FBXO34: variants seen among roughly 807,000 people sequenced by gnomAD.
The protein encoded by FBXO34 is F-box only protein 34.
FBXO34 carries 12 observed loss-of-function variants against 24.5 expected under a neutral mutation model. The ratio of observed to expected loss-of-function variants is 0.49; its 90% CI spans 0.31 to 0.79. FBXO34 has a LOEUF of 0.79. Among genes scored for constraint, FBXO34 ranks in the 30% least tolerant of loss-of-function variants. The probability of loss-of-function intolerance (pLI) is 0.04; values close to 1 mark genes in which losing one functional copy is unlikely to be tolerated. For synonymous variants in FBXO34, 320 were observed against 311.9 expected (o/e 1.03, Z -0.27); for missense variants, 823 against 857.7 (o/e 0.96, Z 0.51).
chr14:55,411,959 T>C, the FBXO34 span: 1 of 758,534 alleles, frequency 1.3e-6, no homozygotes, highest in South Asian at 1.9e-5. Flanking sequence ...CGTGTTCCTG[T>C]CCCGGGCACT....
intron 1 of FBXO34, among the ~76,000 whole-genome samples, chr14:55,297,505 G>A (rs1398169478): frequency 6.6e-6 from 1 of 152,150 alleles, no homozygotes; most frequent in Admixed American, 6.5e-5. Context: ...TAAATGCCTA[G>A]CATATAGTAA....
chr14:55,415,432 A>C, the FBXO34 span, among the ~76,000 whole-genome samples: 1 of 152,246 alleles, frequency 6.6e-6, no homozygotes, highest in African/African-American at 2.4e-5. Context: ...TACATGACCC[A>C]ACAATTTCAC....
At chr14:55,283,469 CTT>C (rs199599790) in intron 1 of FBXO34, among the ~76,000 whole-genome samples, 22 of 137,570 alleles carry the variant, frequency 1.6e-4, no homozygotes, top group Non-Finnish European at 1.6e-4. Flanking sequence ...TTTTTTCTTT[CTT>C]TTTTTTTTTT....
intron 1 of FBXO34, among the ~76,000 whole-genome samples, chr14:55,278,916 G>A (rs1881435285): frequency 1.3e-5 from 2 of 152,148 alleles, no homozygotes; most frequent in South Asian, 4.1e-4. Flanking sequence ...CGAGTTCCTG[G>A]GCTCAAGCCA....
At chr14:55,435,189 G>A in the FBXO34 span, among the ~76,000 whole-genome samples, 1 of 152,122 alleles carries the variant, frequency 6.6e-6, no homozygotes, top group Non-Finnish European at 1.5e-5. Flanking sequence ...ATACATAAGT[G>A]TCAGGTAGCT....
chr14:55,299,967 T>C (rs1734360269), intron 1 of FBXO34, among the ~76,000 whole-genome samples: 1 of 152,240 alleles, frequency 6.6e-6, no homozygotes, highest in African/African-American at 2.4e-5. Flanking sequence ...CCTGAATTAT[T>C]CTCAGGCAAA....
intron 1 of FBXO34, among the ~76,000 whole-genome samples, chr14:55,323,110 G>A (rs1248037427): frequency 5.2e-5 from 7 of 134,480 alleles, no homozygotes; most frequent in South Asian, 5.1e-4. Context: ...GCGTGAACCC[G>A]GGAGGCAGAG....
At chr14:55,313,746 C>A (rs189217916) in intron 1 of FBXO34, among the ~76,000 whole-genome samples, 1 of 152,190 alleles carries the variant, frequency 6.6e-6, no homozygotes, top group Non-Finnish European at 1.5e-5. Context: ...CTCGTGAGAA[C>A]TGACCTCACT....
Position 55,353,391 on chromosome 14 carries a change from A to G in FBXO34, c.*865A>G, listed in dbSNP as rs1884459752. 6.0e-6 allele frequency: 1 copy of G among 166,908 alleles called. No individual in the cohort carries two copies. The allele number at this position is 166,908 out of a possible 1,614,324, so 10.3% of individuals were successfully genotyped here. A position where few individuals can be genotyped will look rare whatever the true frequency, so the allele number is the denominator to read the frequency against. On this transcript the variant is annotated 3_prime_UTR_variant, in exon 2 of 2. Transcript: ENST00000313833. ...AATATATGAATGTTTCTGAGAAGAA[A>G]CTCTAAATAGTTGAAAGGCTAACCT...
chr14:55,299,214 C>T (rs1882254109), intron 1 of FBXO34: 4 of 930,548 alleles, frequency 4.3e-6, no homozygotes, highest in Non-Finnish European at 7.2e-6. Context: ...ACCATCAAAA[C>T]CTGCCAAGAA....
intron 1 of FBXO34, among the ~76,000 whole-genome samples, chr14:55,342,511 A>G (rs1275687577): frequency 6.6e-6 from 1 of 151,700 alleles, no homozygotes; most frequent in Non-Finnish European, 1.5e-5. Flanking sequence ...GAAATACTGC[A>G]TTTTCTGACC....
intron 1 of FBXO34, among the ~76,000 whole-genome samples, chr14:55,318,654 T>C (rs902923064): frequency 6.6e-6 from 1 of 151,630 alleles, no homozygotes; most frequent in Non-Finnish European, 1.5e-5. Context: ...GCTGAGCTAC[T>C]GTACTGGGCT....
At chr14:55,374,369 C>A (rs1351163826), downstream of FBXO34, among the ~76,000 whole-genome samples, 1 of 152,132 alleles carries the variant, frequency 6.6e-6, no homozygotes, top group Admixed American at 6.5e-5. Flanking sequence ...ATGTTTTAAT[C>A]TTTTGTCTAT....
the FBXO34 span, among the ~76,000 whole-genome samples, chr14:55,439,618 C>CCCCCCCCCCCCCCCCCT: frequency 1.7e-5 from 1 of 60,240 alleles, no homozygotes; most frequent in Non-Finnish European, 3.2e-5. Flanking sequence ...AAGCAAACCC[C>CCCCCCCCCCCCCCCCCT]CCCCCGTCTC....
chr14:55,397,709 G>A, the FBXO34 span, among the ~76,000 whole-genome samples: 3 of 152,126 alleles, frequency 2.0e-5, no homozygotes. Flanking sequence ...TGTCAAAACA[G>A]GCACATCAGA....
At chr14:55,323,942 C>T (rs1883255871) in intron 1 of FBXO34, among the ~76,000 whole-genome samples, 1 of 152,146 alleles carries the variant, frequency 6.6e-6, no homozygotes, top group Middle Eastern at 3.4e-3. Context: ...CCACAAAATT[C>T]ACCCTTTGAA....
intron 1 of FBXO34, among the ~76,000 whole-genome samples, chr14:55,284,404 T>A (rs940235873): frequency 6.6e-6 from 1 of 150,608 alleles, no homozygotes; most frequent in Non-Finnish European, 1.5e-5. Flanking sequence ...TCCCAGCTAC[T>A]CGGGAGGCTG....
chr14:55,397,575 C>T, the FBXO34 span: 584 of 681,196 alleles, frequency 8.6e-4, 5 homozygotes, highest in Non-Finnish European at 8.5e-5. Context: ...GTCTTCTCAA[C>T]GGGGTGCACA....
At chr14:55,368,783 G>A (rs1180054975), downstream of FBXO34, 1 of 152,152 alleles carries the variant, frequency 6.6e-6, no homozygotes, top group Admixed American at 6.5e-5. Flanking sequence ...TTACATAAGG[G>A]AATGACCTTC....
Sources: gnomAD v4.1 joint callset for allele counts (sites outside exome capture counted in the v4.1 genomes callset) on GRCh38, gnomAD v4.1.1 for gene constraint, MANE v1.5 for transcripts, NCBI Gene and HGNC (gene_info 2026-07-23, HGNC 2026-07-21) for gene names.